Variants in PPFIBP1 observed in about 807,000 individuals in gnomAD.
PPFIBP1 encodes liprin-beta-1.
PPFIBP1 carries 112 observed loss-of-function variants against 137.8 expected under a neutral mutation model. The ratio of observed to expected loss-of-function variants is 0.81; its 90% CI spans 0.70 to 0.95. The LOEUF is 0.95. Among genes scored for constraint, PPFIBP1 ranks in the 40% least tolerant of loss-of-function variants. The pLI is 0.00. For missense variants in PPFIBP1, 1,083 were observed against 1,196.6 expected (o/e 0.91, Z 1.40); for synonymous variants, 378 against 417.3 (o/e 0.91, Z 1.15).
At chr12:27,678,850 C>G (rs1223043759) in intron 19 of PPFIBP1, among the ~76,000 whole-genome samples, 6 of 58,198 alleles carry the variant, frequency 1.0e-4, no homozygotes, top group Non-Finnish European at 1.4e-4. Context: ...GAGTGAGACT[C>G]TGTCTCAAAA....
Position 27,621,695 on chromosome 12 carries a change from C to G in PPFIBP1, c.-35-11667C>G, listed in dbSNP as rs554819223. ...GACACCCAGTTGGAATAGAAACCAA[C>G]AGAAATTACCTACAAGACAAACTGT... On this transcript the variant is annotated intron_variant, in intron 2 of 29. Transcript: ENST00000228425. 4.6e-5 allele frequency among the ~76,000 whole-genome samples: 7 copies of G among 152,218 alleles called. No individual in the cohort carries two copies. In the South Asian group the frequency reaches 1.5e-3, roughly 32 times the overall value.
intron 1 of PPFIBP1, among the ~76,000 whole-genome samples, chr12:27,570,199 T>A (rs1370456876): frequency 6.6e-6 from 1 of 152,180 alleles, no homozygotes; most frequent in Non-Finnish European, 1.5e-5. Flanking sequence ...GGATTTCAAT[T>A]TTTTTCTTAA....
chr12:27,602,754 G>A (rs2054130234), intron 2 of PPFIBP1, among the ~76,000 whole-genome samples: 1 of 152,188 alleles, frequency 6.6e-6, no homozygotes, highest in Non-Finnish European at 1.5e-5. Flanking sequence ...AACTACCCCA[G>A]GGTATAGGTT....
chr12:27,541,195 A>G (rs1465404297), intron 1 of PPFIBP1, among the ~76,000 whole-genome samples: 1 of 152,040 alleles, frequency 6.6e-6, no homozygotes, highest in East Asian at 1.9e-4. Flanking sequence ...AATGGGCCTG[A>G]AGTGCTTATG....
intron 2 of PPFIBP1, among the ~76,000 whole-genome samples, chr12:27,612,112 T>C (rs2055182372): frequency 6.6e-6 from 1 of 152,202 alleles, no homozygotes; most frequent in Non-Finnish European, 1.5e-5. Context: ...TGAATGTTTA[T>C]TGCAAGAACT....
At chr12:27,624,578 GC>G (rs1253724230) in intron 2 of PPFIBP1, among the ~76,000 whole-genome samples, 1 of 152,198 alleles carries the variant, frequency 6.6e-6, no homozygotes, top group Non-Finnish European at 1.5e-5. Flanking sequence ...ATTTTCCCTT[GC>G]TGCTTCATTT....
chr12:27,633,651 G>T (rs958332121), intron 3 of PPFIBP1, among the ~76,000 whole-genome samples, 191 bp downstream of exon 3: 7 of 151,840 alleles, frequency 4.6e-5, no homozygotes, highest in African/African-American at 1.5e-4. Flanking sequence ...TTATTTTAAA[G>T]TATCAAAAAT....
chr12:27,576,643 C>T (rs1024413435), intron 1 of PPFIBP1, among the ~76,000 whole-genome samples: 2 of 152,162 alleles, frequency 1.3e-5, no homozygotes, highest in Non-Finnish European at 2.9e-5. Context: ...ACCATAAAGG[C>T]CCTATGACAG....
intron 2 of PPFIBP1, among the ~76,000 whole-genome samples, chr12:27,578,871 A>G (rs16931559): frequency 0.015 from 2,240 of 152,346 alleles, 53 homozygotes; most frequent in African/African-American, 0.052. Flanking sequence ...GCAGGGTAAC[A>G]GTTAACACTT....
intron 1 of PPFIBP1, among the ~76,000 whole-genome samples, chr12:27,555,741 C>G (rs1366967062): frequency 6.6e-6 from 1 of 152,112 alleles, no homozygotes. Context: ...GACTCAAATC[C>G]TTTTAAGAAA....
chr12:27,692,015 A>G (rs1346110652), intron 28 of PPFIBP1, 87 bp downstream of exon 28: 1 of 1,166,572 alleles, frequency 8.6e-7, no homozygotes, highest in Non-Finnish European at 1.2e-6. Flanking sequence ...CTGATCAAGG[A>G]CATTTTCTTC....
intron 2 of PPFIBP1, among the ~76,000 whole-genome samples, chr12:27,619,962 A>T (rs1483566887): frequency 1.3e-5 from 2 of 151,790 alleles, no homozygotes; most frequent in African/African-American, 4.8e-5. Flanking sequence ...CATACATTTT[A>T]TATATATATT....
At chr12:27,563,460 GAAAAAAA>G (rs10607744) in intron 1 of PPFIBP1, among the ~76,000 whole-genome samples, 14,374 of 119,582 alleles carry the variant, frequency 0.12, 930 homozygotes, top group South Asian at 0.32. Flanking sequence ...CCATCTCAAA[GAAAAAAA>G]AAAAAAAAAA....
chr12:27,589,031 A>G (rs1592668125), intron 2 of PPFIBP1, among the ~76,000 whole-genome samples: 1 of 151,972 alleles, frequency 6.6e-6, no homozygotes, highest in Non-Finnish European at 1.5e-5. Context: ...GCGTTGTTCT[A>G]TTTGTTTGAG....
chr12:27,535,992 G>C (rs1935125652), intron 1 of PPFIBP1, among the ~76,000 whole-genome samples: 1 of 152,166 alleles, frequency 6.6e-6, no homozygotes, highest in Admixed American at 6.5e-5. Context: ...AGTAACATGA[G>C]AAAGAGATAA....
At chr12:27,569,883 T>C (rs1592535406) in intron 1 of PPFIBP1, among the ~76,000 whole-genome samples, 1 of 152,284 alleles carries the variant, frequency 6.6e-6, no homozygotes, top group East Asian at 1.9e-4. Context: ...TTTCCAAGTT[T>C]AGATATTTTA....
chr12:27,654,561 G>C (rs1593164104), intron 7 of PPFIBP1, 161 bp from the exon 8 acceptor site: 5 of 870,456 alleles, frequency 5.7e-6, no homozygotes, highest in African/African-American at 1.7e-5. Flanking sequence ...AGATGCCTTC[G>C]TTCTTAAGGA....
At chr12:27,637,116 T>C (rs1261924845) in intron 4 of PPFIBP1, 1 of 152,218 alleles carries the variant, frequency 6.6e-6, no homozygotes, top group Non-Finnish European at 1.5e-5. Flanking sequence ...GCATTCACCA[T>C]TTTCTTATGT....
intron 27 of PPFIBP1, among the ~76,000 whole-genome samples, chr12:27,690,770 C>T (rs2061486628): frequency 1.3e-5 from 2 of 152,144 alleles, no homozygotes; most frequent in Admixed American, 1.3e-4. Context: ...TTTAGCTTCT[C>T]TGGCTTATGA....
Sources: allele counts gnomAD v4.1 joint callset (sites outside exome capture counted in the v4.1 genomes callset), GRCh38; gene constraint gnomAD v4.1.1; transcripts MANE v1.5; gene names NCBI Gene and HGNC (gene_info 2026-07-23, HGNC 2026-07-21).